The following ARHGAP39 variants were observed in gnomAD, a reference collection of about 807,000 sequenced individuals.
ARHGAP39 encodes the protein Rho GTPase activating protein 39.
A neutral mutation model predicts 106.9 loss-of-function variants in ARHGAP39; 44 were observed. That is an observed-to-expected ratio of 0.41 (90% CI 0.32 to 0.53). ARHGAP39 has a LOEUF of 0.53. ARHGAP39 is among the 20% of genes least tolerant of loss of function. The probability of loss-of-function intolerance (pLI) is 0.21; values close to 1 mark genes in which losing one functional copy is unlikely to be tolerated. For missense variants in ARHGAP39, 1,496 were observed against 1,577.3 expected, an observed-to-expected ratio of 0.95 and a Z score of 0.87; for synonymous variants, 768 against 693.2, an observed-to-expected ratio of 1.11 and a Z score of -1.69.
In ARHGAP39 at chr8:144,548,122, C is replaced by T. The variant is rs769537433; in HGVS notation, c.964G>A (p.Ala322Thr). The change falls in exon 5 of 12, where the codon GCC (alanine) becomes ACC (threonine). Residue 322 changes from alanine to threonine, a missense_variant. Ala to Thr is a moderately conservative substitution (Grantham distance 58). Transcript: ENST00000377307. This position sits in a 1 kb window ranked among gnomAD's most constrained non-coding sequence, Gnocchi z 7.4. Reference protein sequence around the residue: ...LYEEPPVEYQAPIYDEPPMDV... With the variant: ...LYEEPPVEYQTPIYDEPPMDV... ...ATGGGGGGCTCATCGTAGATGGGGG[C>T]CTGGTACTCCACTGGGGGCTCCTCG... 31 of 1,580,934 alleles carry T rather than the reference C, an allele frequency of 2.0e-5. No homozygotes were observed. In the Admixed American group the frequency reaches 2.1e-4, roughly 11 times the overall value.
rs901995444 is a variant in ARHGAP39, at chr8:144,591,837, G to C, written c.81-10560C>G. 2.0e-5 allele frequency among the ~76,000 whole-genome samples: 3 copies of C among 152,214 alleles called. No individual in the cohort carries two copies. The highest frequency in any genetic ancestry group is 4.8e-5 in the African/African-American group (2 of 41,458). ...TGGAAGGAACAGGCCCCGTGTGCCA[G>C]GGCGGCTTCCCCTGGATGGCGGCGT... On this transcript the variant is annotated intron_variant, in intron 2 of 11. Transcript: ENST00000377307. The surrounding 1 kb of genome is among the most constrained non-coding windows in gnomAD (Gnocchi z 5.3).
At chr8:144,669,020 G>T (rs2129716122) in intron 1 of ARHGAP39, among the ~76,000 whole-genome samples, 1 of 151,908 alleles carries the variant, frequency 6.6e-6, no homozygotes, top group African/African-American at 2.4e-5. Context: ...TCAAATTTAT[G>T]ATCAAGTAAT....
At position 144,548,544 on chromosome 8, in the gene ARHGAP39, G is replaced by A; in HGVS notation, c.597-55C>T. ...CTGCCTGCCTGCTGCTTCTGGGCAC[G>A]CCCCACCCCCTCGGGGGCTGTAGGC... On this transcript the variant is annotated intron_variant, in intron 4 of 11. Transcript: ENST00000377307. This position sits in a 1 kb window ranked among gnomAD's most constrained non-coding sequence, Gnocchi z 7.4. 1 of 1,569,314 alleles carries A rather than the reference G, an allele frequency of 6.4e-7. No homozygotes were observed.
upstream of ARHGAP39, among the ~76,000 whole-genome samples, chr8:144,690,785 C>T (rs1277118611): frequency 6.6e-6 from 1 of 151,232 alleles, no homozygotes; most frequent in Non-Finnish European, 1.5e-5. Context: ...GCTGGAACTA[C>T]AGGCACACAC....
intron 1 of ARHGAP39, among the ~76,000 whole-genome samples, chr8:144,675,282 C>A (rs1322923258): frequency 1.3e-5 from 2 of 152,140 alleles, no homozygotes; most frequent in African/African-American, 2.4e-5. Flanking sequence ...CACCAGGCTA[C>A]AGAGCAGTGG....
rs989201162 is a variant in ARHGAP39, at chr8:144,533,428, C to T, written c.2689-103G>A. The stretch of plus-strand genomic sequence containing the variant: ...CCGAACATAGGTGGGTGGCGCTCTT[C>T]AGAATTCCTGCCCCACACACCTGGG... On this transcript the variant is annotated intron_variant, in intron 8 of 11. Coordinates refer to ENST00000377307, the MANE Select transcript of ARHGAP39 (RefSeq NM_025251.3). 5.9e-6 allele frequency: 7 copies of T among 1,178,664 alleles called. No individual in the cohort carries two copies. In the African/African-American group the frequency reaches 9.1e-5, roughly 15 times the overall value. 73.0% of individuals were successfully genotyped at this position (1,178,664 alleles called of 1,614,324 possible).
At chr8:144,666,312 G>C (rs573559128) in intron 1 of ARHGAP39, among the ~76,000 whole-genome samples, 1 of 152,326 alleles carries the variant, frequency 6.6e-6, no homozygotes, top group African/African-American at 2.4e-5. Context: ...ACTTTGGACT[G>C]TGGACTTCTG....
intron 6 of ARHGAP39, among the ~76,000 whole-genome samples, chr8:144,540,247 T>C (rs748238824): frequency 1.3e-5 from 2 of 152,190 alleles, no homozygotes; most frequent in Non-Finnish European, 2.9e-5. Context: ...AAAAATTACA[T>C]TAGCCAGGTG....
At chr8:144,665,679 G>A (rs928752011) in intron 1 of ARHGAP39, among the ~76,000 whole-genome samples, 34 of 152,258 alleles carry the variant, frequency 2.2e-4, no homozygotes, top group African/African-American at 8.0e-4. Context: ...CCCATGTGGT[G>A]TTGAGCCTAC....
chr8:144,581,312 C>T (rs1818981995), intron 2 of ARHGAP39, 35 bp from the exon 3 acceptor site: 1 of 1,509,502 alleles, frequency 6.6e-7, no homozygotes, highest in Non-Finnish European at 8.9e-7. Context: ...GCTGGAGCCA[C>T]GGCGGCCTGG....
intron 3 of ARHGAP39, among the ~76,000 whole-genome samples, chr8:144,556,990 A>G (rs936451902): frequency 7.0e-6 from 1 of 143,612 alleles, no homozygotes; most frequent in African/African-American, 2.8e-5. Context: ...CCTTCATAGT[A>G]TTCAGAGGCA....
At position 144,593,535 on chromosome 8, in the gene ARHGAP39, G is replaced by C. The variant is rs149504181; in HGVS notation, c.80+12000C>G. Among the ~76,000 whole-genome samples the C allele has an allele frequency of 2.0e-3, 300 of 152,312 alleles. 1 individual carries two copies. Among genetic ancestry groups the C allele is most frequent in the African/African-American group, 6.9e-3 (286 of 41,560 alleles). On this transcript the variant is annotated intron_variant, in intron 2 of 11. Transcript: ENST00000377307. ...GATTTGGCAATGGATTCTGAGCTAT[G>C]ACACCAAAAGCACATGCAATAAGAC...
At chr8:144,624,560 C>T (rs1355148510) in intron 1 of ARHGAP39, among the ~76,000 whole-genome samples, 5 of 151,280 alleles carry the variant, frequency 3.3e-5, no homozygotes, top group Non-Finnish European at 5.9e-5. Flanking sequence ...CCCGTCCCGG[C>T]GGCCCGGTTC....
chr8:144,667,054 A>C (rs1403066747), intron 1 of ARHGAP39, among the ~76,000 whole-genome samples: 2 of 152,208 alleles, frequency 1.3e-5, no homozygotes, highest in Non-Finnish European at 2.9e-5. Flanking sequence ...ATTTCGAACC[A>C]ATCAATTTTA....
rs1007692446 is a variant in ARHGAP39 at position 144,591,480 on chromosome 8, C to G, written c.81-10203G>C. On this transcript the variant is annotated intron_variant, in intron 2 of 11. Transcript: ENST00000377307. This position sits in a 1 kb window ranked among gnomAD's most constrained non-coding sequence, Gnocchi z 5.3. ...CCTGACCTAATTCAGGTGAACGGACCCTGAAGAAGGACTTGTTTGCATCCC... is the reference window on the plus strand; with the variant it reads ...CCTGACCTAATTCAGGTGAACGGACGCTGAAGAAGGACTTGTTTGCATCCC... Among the ~76,000 whole-genome samples, 1 of 152,096 alleles carries G rather than the reference C, an allele frequency of 6.6e-6. No homozygotes were observed. The highest frequency in any genetic ancestry group is 2.4e-5 in the African/African-American group (1 of 41,408).
Position 144,538,306 on chromosome 8 carries a change from G to A in ARHGAP39, c.2522-493C>T, listed in dbSNP as rs541357955. On this transcript the variant is annotated intron_variant, in intron 6 of 11. Coordinates refer to ENST00000377307, the MANE Select transcript of ARHGAP39 (RefSeq NM_025251.3). ...GGGTCTGCCTCCCGCTCTGCACAGC[G>A]TAACTCCGCAGTGTTGCCACTGGCC... 5.3e-5 allele frequency among the ~76,000 whole-genome samples: 8 copies of A among 152,340 alleles called. No homozygotes were observed. The East Asian group carries it at 9.7e-4, about 18-fold the overall frequency.
chr8:144,575,692 C>A (rs902388932), intron 3 of ARHGAP39, among the ~76,000 whole-genome samples: 2 of 151,980 alleles, frequency 1.3e-5, no homozygotes, highest in African/African-American at 2.4e-5. Flanking sequence ...TTTAAGTGCA[C>A]GCTAAATGAT....
intron 3 of ARHGAP39, among the ~76,000 whole-genome samples, chr8:144,560,184 A>G (rs1204286504): frequency 1.3e-5 from 2 of 152,274 alleles, no homozygotes; most frequent in African/African-American, 4.8e-5. Context: ...CTGTAATTCC[A>G]ACACTTTGGG....
the ARHGAP39 span, among the ~76,000 whole-genome samples, chr8:144,696,110 T>A: frequency 1.3e-5 from 2 of 152,186 alleles, no homozygotes. Context: ...TCCACTTTGC[T>A]CTGCCGCATG....
Sources: allele counts gnomAD v4.1 joint callset (sites outside exome capture counted in the v4.1 genomes callset), GRCh38; gene constraint gnomAD v4.1.1; non-coding constraint Gnocchi (gnomAD v3.1); transcripts MANE v1.5; gene names NCBI Gene and HGNC (gene_info 2026-07-23, HGNC 2026-07-21).